The following ZNF836 variants were observed in gnomAD, a reference collection of about 807,000 sequenced individuals.
ZNF836 encodes zinc finger protein 836.
A neutral mutation model predicts 7.4 loss-of-function variants in ZNF836; 12 were observed. That is an observed-to-expected ratio of 1.61 (90% CI 1.03 to 2.61). The LOEUF is 2.61. Among genes scored for constraint, ZNF836 ranks in the 30% most tolerant of loss-of-function variants. The probability of loss-of-function intolerance (pLI) is 0.00; values close to 1 mark genes in which losing one functional copy is unlikely to be tolerated. For missense variants in ZNF836, 998 were observed against 1,126.2 expected (o/e 0.89, Z 1.63); for synonymous variants, 365 against 382.6 (o/e 0.95, Z 0.54).
intron 3 of ZNF836, among the ~76,000 whole-genome samples, chr19:52,164,449 A>AAAGGAAGGAAGGAAGG (rs59942431): frequency 1.5e-5 from 2 of 137,200 alleles, no homozygotes; most frequent in African/African-American, 5.7e-5. Context: ...GAGAGAGAGA[A>AAAGGAAGGAAGGAAGG]AAGGAAGGAA....
intron 4 of ZNF836, among the ~76,000 whole-genome samples, chr19:52,157,874 T>C (rs911541461): frequency 2.4e-4 from 37 of 152,212 alleles, no homozygotes; most frequent in African/African-American, 8.4e-4. Flanking sequence ...TGGCCGAACA[T>C]AGATTTTAAA....
Position 52,154,818 on chromosome 19 carries a change from CAT to C in ZNF836, c.*52_*53del. The C allele has an allele frequency of 5.7e-6, 8 of 1,411,642 alleles. No individual in the cohort carries two copies. Among genetic ancestry groups the C allele is most frequent in the South Asian group, 1.6e-5 (1 of 63,792 alleles). The allele number at this position is 1,411,642 out of a possible 1,614,324, so 87.4% of individuals were successfully genotyped here. On this transcript the variant is annotated 3_prime_UTR_variant, in exon 5 of 5. Transcript: ENST00000682614. ...TCCAATAAAGGGGATTAAAATTCCA[CAT>C]GAGATTTCAGACGGAAGTGACAAAT...
chr19:52,165,226 G>C (rs181787782), intron 3 of ZNF836: 2 of 152,288 alleles, frequency 1.3e-5, no homozygotes, highest in East Asian at 3.9e-4. Context: ...TTTTGCTTTT[G>C]TGGTATGCCA....
At chr19:52,168,582 C>T (rs2089285017) in intron 2 of ZNF836, among the ~76,000 whole-genome samples, 1 of 151,862 alleles carries the variant, frequency 6.6e-6, no homozygotes, top group Non-Finnish European at 1.5e-5. Context: ...AGCAAGACTC[C>T]ATCTCAAATA....
At position 52,154,976 on chromosome 19, in the gene ZNF836, A is replaced by G. The variant is rs746835445; in HGVS notation, c.2707T>C (p.Ser903Pro). ...NECGKSFISR[S>P]GLTKHQTKHT... ...TTTGTCTGATGTTTAGTGAGGCCTG[A>G]GCGACTAATGAAAGATTTGCCACAC... The change falls in exon 5 of 5, where the codon TCA (serine) becomes CCA (proline). Residue 903 changes from serine (S) to proline (P), a missense_variant. Coordinates refer to ENST00000682614, the MANE Select transcript of ZNF836 (RefSeq NM_001102657.3). The G allele has an allele frequency of 1.2e-6, 2 of 1,609,862 alleles. No individual in the cohort carries two copies. Among genetic ancestry groups the G allele is most frequent in the South Asian group, 2.2e-5 (2 of 90,490 alleles).
At chr19:52,160,364 A>T in intron 4 of ZNF836, 101 bp downstream of exon 4, 1 of 1,447,926 alleles carries the variant, frequency 6.9e-7, no homozygotes, top group Non-Finnish European at 9.7e-7. Context: ...ACAAGGCTTC[A>T]GTCTCAGTCA....
Position 52,165,919 on chromosome 19 carries a change from C to G in ZNF836, c.15+2139G>C, listed in dbSNP as rs2089258557. The stretch of plus-strand genomic sequence containing the variant: ...TCATTCTTTGCTCAATTTTTTTTTA[C>G]TGCATTCTAGCAGCCATTTCATATT... On this transcript the variant is annotated intron_variant, in intron 3 of 4. Transcript: ENST00000682614. Among the ~76,000 whole-genome samples the G allele has an allele frequency of 2.0e-5, 3 of 152,144 alleles. No individual in the cohort carries two copies. In the South Asian group the frequency reaches 6.2e-4, roughly 32 times the overall value.
At position 52,157,072 on chromosome 19, in the gene ZNF836, A is replaced by AG; in HGVS notation, c.610_611insC (p.Leu204SerfsTer6). On this transcript the variant is annotated frameshift_variant, in exon 5 of 5. Transcript: ENST00000682614. LOFTEE classifies it low-confidence loss of function (END_TRUNC). ...GTGTGTTTTCTCAAGTTGGGTGGGT[A>AG]ATGACAGCTGCAAAAACTCATTCTC... 4 of 1,613,998 alleles carry AG rather than the reference A, an allele frequency of 2.5e-6. No individual in the cohort carries two copies. The highest frequency in any genetic ancestry group is 3.4e-6 in the Non-Finnish European group (4 of 1,179,888).
chr19:52,164,676 G>T (rs149240983), intron 3 of ZNF836, among the ~76,000 whole-genome samples: 6 of 151,776 alleles, frequency 4.0e-5, no homozygotes, highest in Non-Finnish European at 7.4e-5. Context: ...AGCATGAGGG[G>T]CTCATGGCAA....
chr19:52,155,008 C>T lies in ZNF836; in HGVS notation c.2675G>A (p.Cys892Tyr). The change falls in exon 5 of 5, where the codon TGT becomes TAT. Residue 892 changes from cysteine (C) to tyrosine (Y), a missense_variant. Coordinates refer to ENST00000682614, the MANE Select transcript of ZNF836 (RefSeq NM_001102657.3). ...MIHSGEKPYK[C>Y]NECGKSFISR... Reference sequence around the variant, plus strand: ...AATGAAAGATTTGCCACACTCATTACATTTATAAGGTTTTTCTCCAGAATG... The same window carrying T: ...AATGAAAGATTTGCCACACTCATTATATTTATAAGGTTTTTCTCCAGAATG... The T allele has an allele frequency of 6.2e-7, 1 of 1,613,896 alleles. No individual in the cohort carries two copies.
At chr19:52,162,705 A>G (rs1400644127) in intron 3 of ZNF836, among the ~76,000 whole-genome samples, 4 of 152,148 alleles carry the variant, frequency 2.6e-5, no homozygotes, top group African/African-American at 9.7e-5. Flanking sequence ...GGCCGTTTGG[A>G]TCACAGCAGG....
chr19:52,164,171 C>T (rs1212852064), intron 3 of ZNF836, among the ~76,000 whole-genome samples: 1 of 151,856 alleles, frequency 6.6e-6, no homozygotes, highest in East Asian at 1.9e-4. Flanking sequence ...GAGGGCAAAT[C>T]ACCTGAGGTC....
chr19:52,160,395 G>A (rs774552792), intron 4 of ZNF836, 70 bp downstream of exon 4: 1 of 1,602,308 alleles, frequency 6.2e-7, no homozygotes, highest in South Asian at 1.1e-5. Flanking sequence ...GGGCTCCCAA[G>A]AAAGACAACA....
chr19:52,157,031 A>G lies in ZNF836; in HGVS notation c.652T>C (p.Tyr218His). ...GCTTTGCCACACCCTTTACACATAT[A>G]AGGTTTTTCCCTAATGTGTGTTTTC... ...LEKTHIREKP[Y>H]MCKGCGKAFR... Residue 218 changes from tyrosine to histidine, a missense_variant, in exon 5 of 5, where the codon TAT (tyrosine) becomes CAT (histidine). Tyr to His is a moderately conservative substitution (Grantham distance 83). Coordinates refer to ENST00000682614, the MANE Select transcript of ZNF836 (RefSeq NM_001102657.3). 1 of 1,614,090 alleles carries G rather than the reference A, an allele frequency of 6.2e-7. No homozygotes were observed. Among genetic ancestry groups the G allele is most frequent in the Non-Finnish European group, 8.5e-7 (1 of 1,179,980 alleles).
intron 3 of ZNF836, among the ~76,000 whole-genome samples, chr19:52,162,810 C>A (rs961866509): frequency 2.0e-5 from 3 of 152,206 alleles, no homozygotes; most frequent in Non-Finnish European, 2.9e-5. Flanking sequence ...CCTCAGCAAA[C>A]CTTCTGGCGG....
chr19:52,167,340 C>T lies in ZNF836; in HGVS notation c.15+718G>A, dbSNP rs370620965. On this transcript the variant is annotated intron_variant, in intron 3 of 4. Transcript: ENST00000682614. ...TACAAAAATCAGCCGGGCGTGGTGGCGCATGCCTGTAATCCCAGCTACTCA... is the reference window on the plus strand; with the variant it reads ...TACAAAAATCAGCCGGGCGTGGTGGTGCATGCCTGTAATCCCAGCTACTCA... Among the ~76,000 whole-genome samples the T allele has an allele frequency of 5.9e-5, 9 of 151,372 alleles. No homozygotes were observed. In the East Asian group the frequency reaches 1.4e-3, roughly 23 times the overall value.
Position 52,171,403 on chromosome 19 carries a change from AG to A in ZNF836, c.-283del, listed in dbSNP as rs1419910068. On this transcript the variant is annotated 5_prime_UTR_variant, in exon 1 of 5. Coordinates refer to ENST00000682614, the MANE Select transcript of ZNF836 (RefSeq NM_001102657.3). Reference sequence around the variant, plus strand: ...GATCCCCAGGAAACGGGTATGGACAAGGGAAGACTGCCAAGTGCACGTTCGA... The same window carrying A: ...GATCCCCAGGAAACGGGTATGGACAAGGAAGACTGCCAAGTGCACGTTCGA... 6.6e-6 allele frequency: 1 copy of A among 152,314 alleles called. No homozygotes were observed. The highest frequency in any genetic ancestry group is 1.5e-5 in the Non-Finnish European group (1 of 68,112). The allele number at this position is 152,314 out of a possible 1,614,324, so 9.4% of individuals were successfully genotyped here.
intron 3 of ZNF836, among the ~76,000 whole-genome samples, chr19:52,166,767 G>A (rs1232949615): frequency 6.6e-6 from 1 of 150,686 alleles, no homozygotes; most frequent in African/African-American, 2.4e-5. Context: ...TTTTAGTAGA[G>A]ACGGGGTTTC....
Position 52,155,332 on chromosome 19 carries a change from C to A in ZNF836, c.2351G>T (p.Gly784Val). ...GEKPYKCNECGKVFRHQSTLA... is the reference protein window; with the variant it reads ...GEKPYKCNECVKVFRHQSTLA... ...TGTTGATTGATGACGAAAGACCTTG[C>A]CACATTCATTACATTTGTAAGGTTT... is the stretch of plus-strand genomic sequence containing the variant. The change falls in exon 5 of 5, where the codon GGC becomes GTC. Residue 784 changes from glycine (G) to valine (V), a missense_variant. Gly to Val is a moderately radical substitution (Grantham distance 109, BLOSUM62 -3). Coordinates refer to ENST00000682614, the MANE Select transcript of ZNF836 (RefSeq NM_001102657.3). 6.2e-7 allele frequency: 1 copy of A among 1,614,100 alleles called. No homozygotes were observed. The highest frequency in any genetic ancestry group is 1.3e-5 in the African/African-American group (1 of 75,034).
Sources: gnomAD v4.1 joint callset for allele counts (sites outside exome capture counted in the v4.1 genomes callset) on GRCh38, gnomAD v4.1.1 for gene constraint, MANE v1.5 for transcripts, NCBI Gene and HGNC (gene_info 2026-07-23, HGNC 2026-07-21) for gene names.